The following HMCN2 variants were observed in gnomAD, a reference collection of about 807,000 sequenced individuals.
HMCN2 encodes hemicentin-2.
A neutral mutation model predicts 377.5 loss-of-function variants in HMCN2; 325 were observed. That is an observed-to-expected ratio of 0.86 (90% CI 0.79 to 0.94). HMCN2 has a LOEUF of 0.94. Among genes scored for constraint, HMCN2 ranks in the 40% least tolerant of loss-of-function variants. The pLI is 0.00. For synonymous variants in HMCN2, 2,007 were observed against 2,046.8 expected (o/e 0.98, Z 0.53); for missense variants, 4,543 against 4,725.3 (o/e 0.96, Z 1.13).
At chr9:130,363,820 C>CAAA (rs35226924) in intron 40 of HMCN2, among the ~76,000 whole-genome samples, 2 of 117,984 alleles carry the variant, frequency 1.7e-5, no homozygotes, top group African/African-American at 3.5e-5. Context: ...CAGACTCTGT[C>CAAA]AAAAAAAAAA....
At chr9:130,287,251 C>G (rs1264833830) in intron 4 of HMCN2, among the ~76,000 whole-genome samples, 1 of 152,100 alleles carries the variant, frequency 6.6e-6, no homozygotes, top group Non-Finnish European at 1.5e-5. Context: ...CCTTTCTGGT[C>G]CCCCTGGTAT....
At chr9:130,409,421 C>T (rs1443954933) in intron 84 of HMCN2, among the ~76,000 whole-genome samples, 1 of 152,202 alleles carries the variant, frequency 6.6e-6, no homozygotes, top group Non-Finnish European at 1.5e-5. Context: ...CCTGGGGCAG[C>T]CCCTCTCAAC....
intron 4 of HMCN2, among the ~76,000 whole-genome samples, chr9:130,293,188 C>T (rs1180519101): frequency 1.3e-5 from 2 of 149,232 alleles, no homozygotes; most frequent in Non-Finnish European, 3.0e-5. Flanking sequence ...ATATTGACAT[C>T]TTTACTTATT....
In HMCN2 at chr9:130,384,363, G is replaced by A; in HGVS notation, c.8831-10G>A. 1 of 1,290,624 alleles carries A rather than the reference G, an allele frequency of 7.7e-7. No individual in the cohort carries two copies. Among genetic ancestry groups the A allele is most frequent in the Admixed American group, 2.3e-5 (1 of 43,308 alleles). 79.9% of individuals were successfully genotyped at this position (1,290,624 alleles called of 1,614,324 possible). ...CATGCCTTTCTCTACCGTGGTGGCT[G>A]TGGGGATAGTCCCGCCACGAATCGC... On this transcript the variant is annotated splice_polypyrimidine_tract_variant and intron_variant, in intron 57 of 97. Coordinates refer to ENST00000683500, the MANE Select transcript of HMCN2 (RefSeq NM_001291815.2).
intron 1 of HMCN2, among the ~76,000 whole-genome samples, chr9:130,272,139 C>T (rs1242749974): frequency 1.3e-5 from 2 of 149,514 alleles, no homozygotes; most frequent in African/African-American, 4.8e-5. Context: ...AACTAGAATA[C>T]AGTTCTTTTG....
intron 11 of HMCN2, among the ~76,000 whole-genome samples, 174 bp from the exon 12 acceptor site, chr9:130,305,955 T>C (rs960289837): frequency 4.6e-5 from 7 of 152,160 alleles, no homozygotes; most frequent in African/African-American, 1.7e-4. Context: ...GGCCGCCTGG[T>C]CTACCCAATT....
In HMCN2 at chr9:130,369,554, C is replaced by G; in HGVS notation, c.6788-16C>G. On this transcript the variant is annotated splice_polypyrimidine_tract_variant and intron_variant, in intron 44 of 97. Coordinates refer to ENST00000683500, the MANE Select transcript of HMCN2 (RefSeq NM_001291815.2). The surrounding 1 kb of genome is among the most constrained non-coding windows in gnomAD (Gnocchi z 4.5). The stretch of plus-strand genomic sequence containing the variant: ...CCAGCAGCTTTCTCTGATGGGCTTT[C>G]TCCCCACCCCAACAGTTCCCCCTCA... 1.0e-6 allele frequency: 1 copy of G among 985,618 alleles called. No individual in the cohort carries two copies. The highest frequency in any genetic ancestry group is 1.2e-6 in the Non-Finnish European group (1 of 829,762). The allele number at this position is 985,618 out of a possible 1,614,324, so 61.1% of individuals were successfully genotyped here.
intron 18 of HMCN2, 98 bp downstream of exon 18, chr9:130,321,001 G>A (rs1468003314): frequency 5.2e-5 from 8 of 152,392 alleles, no homozygotes; most frequent in South Asian, 2.1e-4. Context: ...CTGTTTCCCC[G>A]CCTGGGAGTG....
rs1476312228 is a variant in HMCN2 at position 130,418,894 on chromosome 9, C to T, written c.13084C>T (p.Pro4362Ser). 6.5e-7 allele frequency: 1 copy of T among 1,549,736 alleles called. No homozygotes were observed. Among genetic ancestry groups the T allele is most frequent in the Admixed American group, 2.0e-5 (1 of 50,948 alleles). The change falls in exon 86 of 98, where the codon CCC becomes TCC. Residue 4362 changes from proline (P) to serine (S), a missense_variant. Physicochemically the swap from Pro to Ser is moderately conservative, Grantham distance 74. This residue lies in a region of HMCN2 where 1,155 missense variants were observed against 1,157.7 expected (regional missense o/e 1.00). Coordinates refer to ENST00000683500, the MANE Select transcript of HMCN2 (RefSeq NM_001291815.2). ...CATTGAATGGCTACAGGCGGGTCAA[C>T]CCTTGCGGGCCAGCCGGCGGCTCCG... is the stretch of plus-strand genomic sequence containing the variant. ...PTIEWLQAGQ[P>S]LRASRRLRTL... is the part of the protein sequence containing the mutation.
Position 130,369,731 on chromosome 9 carries a change from C to T in HMCN2, c.6949C>T (p.Gln2317Ter). Residue 2317 changes from glutamine (Q) to a stop codon, truncating the protein, a stop_gained, in exon 45 of 98, where the codon CAG becomes TAG. Transcript: ENST00000683500. LOFTEE classifies it high-confidence loss of function. The surrounding 1 kb of genome is among the most constrained non-coding windows in gnomAD (Gnocchi z 4.5). Reference sequence around the variant, plus strand: ...GGGGGCTGAACTGGGCCTGCAGCTGCAGAACCAGGGTCAGAGCCTGCATGT... The same window carrying T: ...GGGGGCTGAACTGGGCCTGCAGCTGTAGAACCAGGGTCAGAGCCTGCATGT... ...PVGAELGLQL[Q>*]NQGQSLHVER... The T allele has an allele frequency of 1.0e-6, 1 of 985,958 alleles. No individual in the cohort carries two copies. The highest frequency in any genetic ancestry group is 4.7e-5 in the South Asian group (1 of 21,294). 61.1% of individuals were successfully genotyped at this position (985,958 alleles called of 1,614,324 possible). A position where few individuals can be genotyped will look rare whatever the true frequency, so the allele number is the denominator to read the frequency against.
chr9:130,334,677 T>C (rs1297050427), intron 22 of HMCN2, among the ~76,000 whole-genome samples: 2 of 150,188 alleles, frequency 1.3e-5, no homozygotes, highest in Non-Finnish European at 3.0e-5. Flanking sequence ...AGTCTGGAGC[T>C]GCTCTTTCTT....
intron 61 of HMCN2, among the ~76,000 whole-genome samples, chr9:130,387,114 GC>G (rs1842064705): frequency 6.6e-6 from 1 of 152,216 alleles, no homozygotes; most frequent in Non-Finnish European, 1.5e-5. Context: ...CCCCAGGGGG[GC>G]CTGTCCCATC....
At position 130,430,213 on chromosome 9, in the gene HMCN2, C is replaced by A. The variant is rs529085875; in HGVS notation, c.14327-71C>A. The A allele has an allele frequency of 6.0e-5, 76 of 1,264,202 alleles. 1 individual carries two copies. The South Asian group carries it at 1.1e-3, about 18-fold the overall frequency. The allele number at this position is 1,264,202 out of a possible 1,614,324, so 78.3% of individuals were successfully genotyped here. ...AATGCCAACAAGAGAGAAGGCAGGG[C>A]CAGGCAATGGCTGCAGGCTGCAGGG... is the stretch of plus-strand genomic sequence containing the variant. On this transcript the variant is annotated intron_variant, in intron 94 of 97. Coordinates refer to ENST00000683500, the MANE Select transcript of HMCN2 (RefSeq NM_001291815.2).
At chr9:130,398,195 G>A (rs1404309573) in intron 74 of HMCN2, among the ~76,000 whole-genome samples, 1 of 143,500 alleles carries the variant, frequency 7.0e-6, no homozygotes, top group Non-Finnish European at 1.5e-5. Flanking sequence ...CATGTGAAAG[G>A]ATAAAATTCA....
At chr9:130,314,718 C>T (rs1021935071) in intron 15 of HMCN2, among the ~76,000 whole-genome samples, 16 of 152,198 alleles carry the variant, frequency 1.1e-4, no homozygotes, top group African/African-American at 3.9e-4. Context: ...CTGCAACCCC[C>T]AGCCCTGCCC....
At position 130,394,937 on chromosome 9, in the gene HMCN2, C is replaced by G; in HGVS notation, c.10693-90C>G. 1.2e-6 allele frequency: 1 copy of G among 841,164 alleles called. No homozygotes were observed. The highest frequency in any genetic ancestry group is 1.6e-6 in the Non-Finnish European group (1 of 607,818). 52.1% of individuals were successfully genotyped at this position (841,164 alleles called of 1,614,324 possible). On this transcript the variant is annotated intron_variant, in intron 69 of 97. Transcript: ENST00000683500. The surrounding 1 kb of genome is among the most constrained non-coding windows in gnomAD (Gnocchi z 5.1). ...AGACCTCGCAGGGCTGAGTTTGAAT[C>G]CTGGGTCCCTCGATGCATGAGAAAG...
rs903770513 is a variant in HMCN2 at position 130,419,007 on chromosome 9, C to T, written c.13197C>T (p.Gly4399=). The T allele has an allele frequency of 2.7e-6, 4 of 1,496,858 alleles. No homozygotes were observed. In the African/African-American group the frequency reaches 5.6e-5, roughly 21 times the overall value. The allele number at this position is 1,496,858 out of a possible 1,614,324, so 92.7% of individuals were successfully genotyped here. ...TYDCVAHNLL[G]SATARAFLVV... ...ACTGCGTCGCTCACAACCTCCTGGG[C>T]TCTGCCACAGCCCGGGCGTTCCTGG... Residue 4399 remains glycine, a synonymous_variant, in exon 86 of 98, where the codon GGC becomes GGT. Coordinates refer to ENST00000683500, the MANE Select transcript of HMCN2 (RefSeq NM_001291815.2).
At chr9:130,313,774 CTT>C (rs1215426849) in intron 15 of HMCN2, among the ~76,000 whole-genome samples, 340 of 81,544 alleles carry the variant, frequency 4.2e-3, no homozygotes, top group Non-Finnish European at 5.7e-3. Context: ...TGTGTGTCCT[CTT>C]TTTTTTTTTT....
In HMCN2 at chr9:130,304,733, C is replaced by G; in HGVS notation, c.1547C>G (p.Pro516Arg). 2.2e-6 allele frequency: 1 copy of G among 462,974 alleles called. No homozygotes were observed. Among genetic ancestry groups the G allele is most frequent in the Non-Finnish European group, 4.5e-6 (1 of 221,132 alleles). 28.7% of individuals were successfully genotyped at this position (462,974 alleles called of 1,614,324 possible). Reference sequence around the variant, plus strand: ...TCCTGTGCTCATGTCCCTGCAGACCCCCCGCCGCAGCTGGTCCCTGCTCCC... The same window carrying G: ...TCCTGTGCTCATGTCCCTGCAGACCGCCCGCCGCAGCTGGTCCCTGCTCCC... ...RAKAQIVVTD[P>R]PPQLVPAPNV... The change falls in exon 11 of 98, where the codon CCC becomes CGC. Residue 516 changes from proline (P) to arginine (R), a missense_variant. Pro to Arg is a moderately radical substitution (Grantham distance 103). Coordinates refer to ENST00000683500, the MANE Select transcript of HMCN2 (RefSeq NM_001291815.2). This position sits in a 1 kb window ranked among gnomAD's most constrained non-coding sequence, Gnocchi z 4.3.
Sources: gnomAD v4.1 joint callset for allele counts (sites outside exome capture counted in the v4.1 genomes callset) on GRCh38, gnomAD v4.1.1 for gene constraint, gnomAD v4.1.1 regional missense constraint, Gnocchi (gnomAD v3.1) non-coding constraint, MANE v1.5 for transcripts, NCBI Gene and HGNC (gene_info 2026-07-23, HGNC 2026-07-21) for gene names.